The following SPATA21 variants were observed in gnomAD, a reference collection of about 807,000 sequenced individuals.
SPATA21 encodes spermatogenesis-associated protein 21.
SPATA21 carries 47 observed loss-of-function variants against 54.8 expected under a neutral mutation model. The ratio of observed to expected loss-of-function variants is 0.86; its 90% CI spans 0.68 to 1.09. SPATA21 has a LOEUF of 1.09. Ranked by LOEUF, SPATA21 falls within the 50% of genes least tolerant of loss-of-function variation. The pLI is 0.00. For synonymous variants in SPATA21, 245 were observed against 235.3 expected (o/e 1.04, Z -0.38); for missense variants, 599 against 596.4 (o/e 1.00, Z -0.05).
chr1:16,403,165 G>T (rs554426668), intron 10 of SPATA21, among the ~76,000 whole-genome samples: 1 of 152,134 alleles, frequency 6.6e-6, no homozygotes, highest in Non-Finnish European at 1.5e-5. Flanking sequence ...CTGGAGACAC[G>T]TGGAGGCTTT....
chr1:16,436,235 A>C (rs563578796), intron 1 of SPATA21, among the ~76,000 whole-genome samples: 112 of 152,080 alleles, frequency 7.4e-4, no homozygotes, highest in African/African-American at 2.5e-3. Flanking sequence ...AAAAGTACAG[A>C]ATTAGCCGGG....
chr1:16,419,274 T>C (rs1168389875), intron 5 of SPATA21, among the ~76,000 whole-genome samples: 2 of 152,162 alleles, frequency 1.3e-5, no homozygotes, highest in African/African-American at 4.8e-5. Flanking sequence ...AGGCTTAGCA[T>C]ATCCAAGGGC....
At chr1:16,401,335 C>T (rs2085441221) in intron 10 of SPATA21, among the ~76,000 whole-genome samples, 1 of 152,194 alleles carries the variant, frequency 6.6e-6, no homozygotes, top group South Asian at 2.1e-4. Flanking sequence ...CACTCTGTTA[C>T]CCAGGCAGGA....
intron 3 of SPATA21, among the ~76,000 whole-genome samples, chr1:16,430,376 T>C (rs1028728592): frequency 1.3e-5 from 2 of 152,158 alleles, no homozygotes; most frequent in Non-Finnish European, 2.9e-5. Flanking sequence ...GAGGCTGCAG[T>C]GAGTCGTGAT....
At position 16,424,714 on chromosome 1, in the gene SPATA21, T is replaced by TGAACTGGGTTTTGATCA. The variant is rs1570194532; in HGVS notation, c.35-2744_35-2743insTGATCAAAACCCAGTTC. 3.3e-5 allele frequency among the ~76,000 whole-genome samples: 5 copies of TGAACTGGGTTTTGATCA among 152,070 alleles called. No homozygotes were observed. In the East Asian group the frequency reaches 9.8e-4, roughly 30 times the overall value. ...CAAGCACGAGCCACGGCGCCTGGCC[T>TGAACTGGGTTTTGATCA]CTAATCATATCTTGCAAAATCTTAC... On this transcript the variant is annotated intron_variant, in intron 3 of 12. Coordinates refer to ENST00000335496, the MANE Select transcript of SPATA21 (RefSeq NM_198546.1).
chr1:16,406,277 G>A (rs764159426), intron 7 of SPATA21, among the ~76,000 whole-genome samples: 35 of 152,104 alleles, frequency 2.3e-4, no homozygotes, highest in Non-Finnish European at 4.1e-4. Context: ...GAGCCGCTGC[G>A]CCCGGCCTGG....
At chr1:16,403,227 C>T (rs990668609) in intron 10 of SPATA21, among the ~76,000 whole-genome samples, 1 of 152,132 alleles carries the variant, frequency 6.6e-6, no homozygotes, top group Non-Finnish European at 1.5e-5. Flanking sequence ...TGGGACTGCT[C>T]AGTGCATGCT....
chr1:16,434,899 C>T (rs187469142), intron 1 of SPATA21, among the ~76,000 whole-genome samples: 9 of 152,016 alleles, frequency 5.9e-5, no homozygotes, highest in Non-Finnish European at 7.4e-5. Context: ...CCTTTATCAC[C>T]CAGGATGGAG....
intron 3 of SPATA21, among the ~76,000 whole-genome samples, chr1:16,423,604 C>T (rs1256223545): frequency 5.2e-5 from 7 of 134,092 alleles, no homozygotes; most frequent in Non-Finnish European, 3.1e-5. Flanking sequence ...AGTGCACTGG[C>T]ATGATCTCAG....
In SPATA21 at chr1:16,409,836, T is replaced by G. The variant is rs754205960; in HGVS notation, c.352A>C (p.Thr118Pro). 1 of 1,600,704 alleles carries G rather than the reference T, an allele frequency of 6.2e-7. No homozygotes were observed. The highest frequency in any genetic ancestry group is 8.5e-7 in the Non-Finnish European group (1 of 1,174,262). Reference protein sequence around the residue: ...QTAQKSPRTLTPVPTSAPSLP... With the variant: ...QTAQKSPRTLPPVPTSAPSLP... ...CTTGGAGCTGAGGTGGGCACCGGGG[T>G]CAGGGTCCTGGGCGACTTCTGGGCT... Residue 118 changes from threonine to proline, a missense_variant, in exon 6 of 13, where the codon ACC (threonine) becomes CCC (proline). Thr to Pro is a conservative substitution (Grantham distance 38). Coordinates refer to ENST00000335496, the MANE Select transcript of SPATA21 (RefSeq NM_198546.1). This position sits in a 1 kb window ranked among gnomAD's most constrained non-coding sequence, Gnocchi z 4.1.
chr1:16,432,523 C>T (rs1254293433), intron 2 of SPATA21, among the ~76,000 whole-genome samples: 1 of 152,108 alleles, frequency 6.6e-6, no homozygotes, highest in East Asian at 1.9e-4. Context: ...TCCAGGCAGG[C>T]TCCTGCAATC....
chr1:16,434,933 C>G (rs917880858), intron 1 of SPATA21, among the ~76,000 whole-genome samples: 1 of 152,148 alleles, frequency 6.6e-6, no homozygotes, highest in Non-Finnish European at 1.5e-5. Context: ...CCATAGCTCA[C>G]TGCAACCTCC....
At chr1:16,405,195 C>T in intron 7 of SPATA21, 91 bp from the exon 8 acceptor site, 2 of 1,512,428 alleles carry the variant, frequency 1.3e-6, no homozygotes, top group Non-Finnish European at 1.8e-6. Flanking sequence ...CCAGCCTCCT[C>T]CACCATCAAA....
Position 16,409,976 on chromosome 1 carries a change from AC to A in SPATA21, c.211del (p.Val71TrpfsTer16). 1 of 1,607,912 alleles carries A rather than the reference AC, an allele frequency of 6.2e-7. No homozygotes were observed. The highest frequency in any genetic ancestry group is 8.5e-7 in the Non-Finnish European group (1 of 1,177,214). Reference protein sequence around the residue: ...RAQQQPQKPAVAAGTQSLGNF... With the variant: ...RAQQQPQKPAXAAGTQSLGNF... ...CCCGAGGCTCTGTGTCCCTGCAGCC[AC>A]CGCGGGCTTCTGAGGCTGCTGCTGC... On this transcript the variant is annotated frameshift_variant, in exon 6 of 13. Coordinates refer to ENST00000335496, the MANE Select transcript of SPATA21 (RefSeq NM_198546.1). LOFTEE classifies it high-confidence loss of function. The surrounding 1 kb of genome is among the most constrained non-coding windows in gnomAD (Gnocchi z 4.1).
rs975552077 is a variant in SPATA21 at position 16,428,306 on chromosome 1, G to A, written c.34+3032C>T. 2.6e-5 allele frequency among the ~76,000 whole-genome samples: 4 copies of A among 152,156 alleles called. No individual in the cohort carries two copies. The highest frequency in any genetic ancestry group is 9.6e-5 in the African/African-American group (4 of 41,454). ...AAGGACAGCTTGAAAGAGCACCCTG[G>A]GGGACCCCAAGACTCTCACAAGGTC... On this transcript the variant is annotated intron_variant, in intron 3 of 12. Coordinates refer to ENST00000335496, the MANE Select transcript of SPATA21 (RefSeq NM_198546.1). This position sits in a 1 kb window ranked among gnomAD's most constrained non-coding sequence, Gnocchi z 4.3.
intron 10 of SPATA21, 104 bp downstream of exon 10, chr1:16,403,623 A>T: frequency 9.8e-7 from 1 of 1,022,906 alleles, no homozygotes; most frequent in Non-Finnish European, 1.5e-6. Flanking sequence ...AGTTTCTTTC[A>T]CTTGTGACTA....
intron 3 of SPATA21, among the ~76,000 whole-genome samples, chr1:16,427,570 C>T (rs1439305527): frequency 6.6e-6 from 1 of 152,002 alleles, no homozygotes; most frequent in Non-Finnish European, 1.5e-5. Context: ...ATTTATCGAA[C>T]ATTTACTATG....
chr1:16,424,951 T>C (rs1280354446), intron 3 of SPATA21: 1 of 285,926 alleles, frequency 3.5e-6, no homozygotes, highest in Non-Finnish European at 6.9e-6. Context: ...GGAGTTTTGC[T>C]CTCATTGCCC....
At chr1:16,436,733 G>A (rs1427078486) in intron 1 of SPATA21, among the ~76,000 whole-genome samples, 1 of 151,400 alleles carries the variant, frequency 6.6e-6, no homozygotes, top group Non-Finnish European at 1.5e-5. Flanking sequence ...ACCACTACAC[G>A]CCAGCCTGGG....
Sources: allele counts gnomAD v4.1 joint callset (sites outside exome capture counted in the v4.1 genomes callset), GRCh38; gene constraint gnomAD v4.1.1; non-coding constraint Gnocchi (gnomAD v3.1); transcripts MANE v1.5; gene names NCBI Gene and HGNC (gene_info 2026-07-23, HGNC 2026-07-21).